PPP3CC: variants seen among roughly 807,000 people sequenced by gnomAD.
PPP3CC encodes protein phosphatase 3 catalytic subunit gamma.
Under a neutral mutation model 60.3 loss-of-function variants are expected in PPP3CC, and 35 were observed. The ratio of observed to expected loss-of-function variants is 0.58; its 90% CI spans 0.44 to 0.77. PPP3CC has a LOEUF of 0.77. Among genes scored for constraint, PPP3CC ranks in the 30% least tolerant of loss-of-function variants. The pLI is 0.00. For synonymous variants in PPP3CC, 206 were observed against 224.3 expected (o/e 0.92, Z 0.73); for missense variants, 570 against 628.9 (o/e 0.91, Z 1.00).
chr8:22,531,549 G>A (rs1173736531), intron 10 of PPP3CC, among the ~76,000 whole-genome samples: 2 of 152,162 alleles, frequency 1.3e-5, no homozygotes, highest in African/African-American at 4.8e-5. Flanking sequence ...TCTGACTTTT[G>A]ACTGTAGTCA....
In PPP3CC at chr8:22,455,251, A is replaced by G. The variant is rs370006417; in HGVS notation, c.49+13793A>G. 1.1e-4 allele frequency among the ~76,000 whole-genome samples: 16 copies of G among 152,262 alleles called. No homozygotes were observed. In the South Asian group the frequency reaches 2.1e-3, roughly 20 times the overall value. On this transcript the variant is annotated intron_variant, in intron 1 of 13. Coordinates refer to ENST00000240139, the MANE Select transcript of PPP3CC (RefSeq NM_005605.5). ...GTTAAATACTACTTGAAAAGTACTC[A>G]TGCGGTGTAGCATATAATAGCCTCT...
At chr8:22,459,239 A>G (rs1586793667) in intron 1 of PPP3CC, among the ~76,000 whole-genome samples, 3 of 152,194 alleles carry the variant, frequency 2.0e-5, no homozygotes, top group African/African-American at 7.2e-5. Context: ...TGCCCAGACC[A>G]TTTTAGTGAT....
Position 22,441,331 on chromosome 8 carries a change from TGCCCGAG to T in PPP3CC, c.-77_-71del. ...GCTGACGGCTCCGGGCAGCTAAGGC[TGCCCGAG>T]GAGAAGGCGGCGGCCGCGGCGTAGG... On this transcript the variant is annotated 5_prime_UTR_variant, in exon 1 of 14. Coordinates refer to ENST00000240139, the MANE Select transcript of PPP3CC (RefSeq NM_005605.5). 6.9e-7 allele frequency: 1 copy of T among 1,439,968 alleles called. No individual in the cohort carries two copies. Among genetic ancestry groups the T allele is most frequent in the Non-Finnish European group, 9.3e-7 (1 of 1,080,528 alleles). 89.2% of individuals were successfully genotyped at this position (1,439,968 alleles called of 1,614,324 possible). A position where few individuals can be genotyped will look rare whatever the true frequency, so the allele number is the denominator to read the frequency against.
At chr8:22,523,722 C>T in intron 8 of PPP3CC, 1 of 450,756 alleles carries the variant, frequency 2.2e-6, no homozygotes, top group Non-Finnish European at 4.5e-6. Flanking sequence ...TTTTGGACAG[C>T]CAAAAGTCAT....
chr8:22,501,904 G>T (rs549813200), intron 4 of PPP3CC, among the ~76,000 whole-genome samples: 1 of 152,328 alleles, frequency 6.6e-6, no homozygotes, highest in Admixed American at 6.5e-5. Flanking sequence ...GTACAAGCCT[G>T]TAGTCCCGGC....
At chr8:22,456,226 C>T (rs545797337) in intron 1 of PPP3CC, among the ~76,000 whole-genome samples, 2 of 152,182 alleles carry the variant, frequency 1.3e-5, no homozygotes, top group African/African-American at 4.8e-5. Context: ...TCATACTCAC[C>T]GCAGGTCAAC....
chr8:22,513,630 C>T (rs910702026), intron 6 of PPP3CC, among the ~76,000 whole-genome samples, 198 bp downstream of exon 6: 2 of 152,122 alleles, frequency 1.3e-5, no homozygotes, highest in African/African-American at 2.4e-5. Flanking sequence ...AAGTGTAATA[C>T]ACCAAACATG....
intron 6 of PPP3CC, among the ~76,000 whole-genome samples, chr8:22,517,443 C>T (rs79482231): frequency 6.6e-6 from 1 of 151,606 alleles, no homozygotes; most frequent in South Asian, 2.1e-4. Context: ...GGTATTAATT[C>T]TTTTTTTTAA....
At chr8:22,511,390 G>T (rs568081442) in intron 5 of PPP3CC, among the ~76,000 whole-genome samples, 159 bp downstream of exon 5, 8 of 152,022 alleles carry the variant, frequency 5.3e-5, no homozygotes, top group East Asian at 3.8e-4. Context: ...CCCTGGTTCA[G>T]CCTCCCGAGT....
intron 3 of PPP3CC, among the ~76,000 whole-genome samples, chr8:22,486,888 C>A (rs1159380891): frequency 6.6e-6 from 1 of 151,888 alleles, no homozygotes; most frequent in Non-Finnish European, 1.5e-5. Context: ...CACCACCACG[C>A]CTGGCTAATT....
chr8:22,533,033 G>T lies in PPP3CC; in HGVS notation c.1321+15G>T, dbSNP rs192208043. The T allele has an allele frequency of 3.0e-3, 4,599 of 1,537,540 alleles. 26 individuals are homozygous for T. Among genetic ancestry groups the T allele is most frequent in the South Asian group, 6.9e-3 (580 of 84,052 alleles). ...TATCGAGACAGGTGAGTATGAGAGT[G>T]CTCCTCCATGGAAGGTGTGCTCCCG... On this transcript the variant is annotated intron_variant, in intron 12 of 13. Coordinates refer to ENST00000240139, the MANE Select transcript of PPP3CC (RefSeq NM_005605.5).
rs1839405762 is a variant in PPP3CC at position 22,521,575 on chromosome 8, C to T, written c.771-916C>T. 2.0e-5 allele frequency among the ~76,000 whole-genome samples: 3 copies of T among 152,146 alleles called. No homozygotes were observed. In the South Asian group the frequency reaches 6.2e-4, roughly 32 times the overall value. On this transcript the variant is annotated intron_variant, in intron 6 of 13. Transcript: ENST00000240139. Reference sequence around the variant, plus strand: ...GGCACTTATGGCCATGGATGGCTTCCAAACTATTGTTTCTGTAGGAGGACC... The same window carrying T: ...GGCACTTATGGCCATGGATGGCTTCTAAACTATTGTTTCTGTAGGAGGACC...
At chr8:22,524,272 A>G (rs1171991571) in intron 8 of PPP3CC, among the ~76,000 whole-genome samples, 1 of 152,174 alleles carries the variant, frequency 6.6e-6, no homozygotes, top group Non-Finnish European at 1.5e-5. Flanking sequence ...TTGGGGAGAT[A>G]AGTTTCAAAG....
At chr8:22,445,587 A>G (rs1046319479) in intron 1 of PPP3CC, among the ~76,000 whole-genome samples, 1 of 152,238 alleles carries the variant, frequency 6.6e-6, no homozygotes, top group African/African-American at 2.4e-5. Flanking sequence ...TTATTTTAAC[A>G]TAAATATTGT....
chr8:22,467,221 T>C (rs1837566848), intron 1 of PPP3CC, among the ~76,000 whole-genome samples: 1 of 152,192 alleles, frequency 6.6e-6, no homozygotes, highest in Non-Finnish European at 1.5e-5. Context: ...TTTTAAGGTA[T>C]TTATTTATGT....
rs1429240255 is a variant in PPP3CC at position 22,527,420 on chromosome 8, C to A, written c.972C>A (p.Val324=). ...KAAVLKYENN[V]MNIRQFNCSP... is the part of the protein sequence containing the mutation. ...CTGTGTTGAAATATGAAAACAATGTCATGAATATCAGGCAGTTTAACTGTT... is the reference window on the plus strand; with the variant it reads ...CTGTGTTGAAATATGAAAACAATGTAATGAATATCAGGCAGTTTAACTGTT... Residue 324 remains valine, a synonymous_variant, in exon 9 of 14, where the codon GTC becomes GTA. Coordinates refer to ENST00000240139, the MANE Select transcript of PPP3CC (RefSeq NM_005605.5). The A allele has an allele frequency of 6.2e-7, 1 of 1,613,762 alleles. No homozygotes were observed. Among genetic ancestry groups the A allele is most frequent in the Non-Finnish European group, 8.5e-7 (1 of 1,179,742 alleles).
chr8:22,510,519 A>G (rs1166007708), intron 4 of PPP3CC, among the ~76,000 whole-genome samples: 3 of 152,210 alleles, frequency 2.0e-5, no homozygotes, highest in Admixed American at 6.5e-5. Context: ...GTTGTCATCC[A>G]TATACTTAAA....
intron 13 of PPP3CC, among the ~76,000 whole-genome samples, chr8:22,540,200 C>A (rs1051162441): frequency 6.6e-6 from 1 of 152,014 alleles, no homozygotes; most frequent in African/African-American, 2.4e-5. Flanking sequence ...GTCTATGTGG[C>A]CTTTGTGCGA....
Position 22,452,338 on chromosome 8 carries a change from G to A in PPP3CC, c.49+10880G>A, listed in dbSNP as rs1048177523. ...CATGAGCCACTGTGCCTGGCCCTGC[G>A]TAGAATCTTGTCCCTCAGCTTGACC... is the stretch of plus-strand genomic sequence containing the variant. On this transcript the variant is annotated intron_variant, in intron 1 of 13. Transcript: ENST00000240139. 5.9e-5 allele frequency among the ~76,000 whole-genome samples: 9 copies of A among 152,104 alleles called. No individual in the cohort carries two copies. In the South Asian group the frequency reaches 8.3e-4, roughly 14 times the overall value.
Sources: allele counts gnomAD v4.1 joint callset (sites outside exome capture counted in the v4.1 genomes callset), GRCh38; gene constraint gnomAD v4.1.1; transcripts MANE v1.5; gene names NCBI Gene and HGNC (gene_info 2026-07-23, HGNC 2026-07-21).